NEGR1: variants seen among roughly 807,000 people sequenced by gnomAD.
The protein encoded by NEGR1 is IgLON family member 4.
In NEGR1, 10 loss-of-function variants were observed where a neutral mutation model predicts 40.9. The observed-to-expected ratio is 0.24, with a 90% CI of 0.15 to 0.42. NEGR1 has a LOEUF of 0.42. NEGR1 is among the 10% of genes least tolerant of loss of function. NEGR1 has a pLI of 1.00. For missense variants in NEGR1, 352 were observed against 438.9 expected, an observed-to-expected ratio of 0.80 and a Z score of 1.77; for synonymous variants, 185 against 166.8, an observed-to-expected ratio of 1.11 and a Z score of -0.84.
chr1:71,930,318 C>G (rs116177907), intron 2 of NEGR1, among the ~76,000 whole-genome samples: 266 of 152,222 alleles, frequency 1.7e-3, no homozygotes, highest in Middle Eastern at 0.01. Flanking sequence ...ATAACAGGAT[C>G]AGAGTACTGA....
chr1:71,996,787 G>A (rs754492295), intron 1 of NEGR1, among the ~76,000 whole-genome samples: 2 of 151,986 alleles, frequency 1.3e-5, no homozygotes, highest in African/African-American at 4.8e-5. Context: ...TTTCTTTGTC[G>A]TACACACCTT....
chr1:71,861,997 A>C (rs1659962273), intron 2 of NEGR1, among the ~76,000 whole-genome samples: 1 of 152,140 alleles, frequency 6.6e-6, no homozygotes, highest in Non-Finnish European at 1.5e-5. Context: ...AAATGATTTC[A>C]TTATGTGTGA....
intron 2 of NEGR1, among the ~76,000 whole-genome samples, chr1:71,878,875 C>A: frequency 6.6e-6 from 1 of 152,064 alleles, no homozygotes; most frequent in East Asian, 1.9e-4. Context: ...ATAACTGTTC[C>A]CAGATTGCAG....
At chr1:71,872,607 T>C (rs183991287) in intron 2 of NEGR1, among the ~76,000 whole-genome samples, 5 of 152,270 alleles carry the variant, frequency 3.3e-5, no homozygotes, top group Admixed American at 2.6e-4. Context: ...ATTCACCACG[T>C]TGGACATGCA....
chr1:72,058,063 A>G (rs1411789622), intron 1 of NEGR1, among the ~76,000 whole-genome samples: 1 of 151,422 alleles, frequency 6.6e-6, no homozygotes, highest in East Asian at 2.0e-4. Context: ...TAGTTGGGAA[A>G]CATCTGAAGA....
At chr1:72,146,333 C>T (rs913526671) in intron 1 of NEGR1, among the ~76,000 whole-genome samples, 2 of 152,150 alleles carry the variant, frequency 1.3e-5, no homozygotes, top group Non-Finnish European at 2.9e-5. Context: ...TGTGCTGCTC[C>T]ATTACCCTGA....
intron 1 of NEGR1, among the ~76,000 whole-genome samples, chr1:72,074,865 A>T (rs1647652692): frequency 1.3e-5 from 2 of 152,110 alleles, no homozygotes; most frequent in African/African-American, 4.8e-5. Context: ...TTTTAAATTC[A>T]GTTATGATTT....
chr1:71,534,815 G>T (rs1647463611), intron 6 of NEGR1, among the ~76,000 whole-genome samples: 1 of 151,562 alleles, frequency 6.6e-6, no homozygotes, highest in Non-Finnish European at 1.5e-5. Context: ...GCCTCATGGG[G>T]CTTATTGACT....
intron 1 of NEGR1, among the ~76,000 whole-genome samples, chr1:72,217,574 AAC>A (rs1403836353): frequency 6.6e-6 from 1 of 151,884 alleles, no homozygotes; most frequent in African/African-American, 2.4e-5. Flanking sequence ...AGTGCCAATA[AAC>A]AGTTACCACA....
intron 4 of NEGR1, among the ~76,000 whole-genome samples, chr1:71,624,774 A>G (rs1304010574): frequency 2.0e-5 from 3 of 151,924 alleles, no homozygotes; most frequent in Non-Finnish European, 2.9e-5. Flanking sequence ...CTGACCTCCT[A>G]TATAAAATGG....
rs182086368 is a variant in NEGR1, at chr1:71,922,052, G to A, written c.409+13027C>T. On this transcript the variant is annotated intron_variant, in intron 2 of 6. Transcript: ENST00000357731. ...CAGAGATTTGTAACAAGAAGAAGCC[G>A]CTAATACTTTTGTAAGCAGGTCTCA... is the stretch of plus-strand genomic sequence containing the variant. Among the ~76,000 whole-genome samples the A allele has an allele frequency of 6.3e-4, 96 of 152,214 alleles. 3 individuals are homozygous for A. Among genetic ancestry groups the A allele is most frequent in the African/African-American group, 2.1e-3 (89 of 41,552 alleles).
At chr1:71,638,410 T>G (rs571660727) in intron 4 of NEGR1, among the ~76,000 whole-genome samples, 67 of 152,144 alleles carry the variant, frequency 4.4e-4, no homozygotes, top group Non-Finnish European at 9.0e-4. Flanking sequence ...TTCTTCCTTG[T>G]AGAGTTGTAA....
At chr1:71,822,912 C>G (rs189951768) in intron 2 of NEGR1, among the ~76,000 whole-genome samples, 48 of 152,118 alleles carry the variant, frequency 3.2e-4, no homozygotes, top group African/African-American at 9.9e-4. Context: ...ATTAGAACCG[C>G]CTGCTGAAAG....
At chr1:72,061,089 C>T (rs1647165195) in intron 1 of NEGR1, among the ~76,000 whole-genome samples, 1 of 151,668 alleles carries the variant, frequency 6.6e-6, no homozygotes, top group South Asian at 2.1e-4. Context: ...TATGACATAA[C>T]TACTTCCTCA....
chr1:71,670,816 T>C lies in NEGR1; in HGVS notation c.667+27192A>G, dbSNP rs897613337. Among the ~76,000 whole-genome samples, 4 of 152,228 alleles carry C rather than the reference T, an allele frequency of 2.6e-5. No individual in the cohort carries two copies. The East Asian group carries it at 7.7e-4, about 29-fold the overall frequency. On this transcript the variant is annotated intron_variant, in intron 4 of 6. Coordinates refer to ENST00000357731, the MANE Select transcript of NEGR1 (RefSeq NM_173808.3). ...AGATATGTCTCTCTGATCAAATCAG[T>C]ATTCTCAGGCTCCTGCCCTCAACCT... is the stretch of plus-strand genomic sequence containing the variant.
chr1:72,274,494 G>T (rs1394050868), intron 1 of NEGR1: 1 of 627,410 alleles, frequency 1.6e-6, no homozygotes, highest in Admixed American at 2.5e-5. Context: ...CTGATTAAAA[G>T]ATAAACTGTC....
chr1:71,985,732 C>T (rs189258380), intron 1 of NEGR1, among the ~76,000 whole-genome samples: 1 of 152,210 alleles, frequency 6.6e-6, no homozygotes, highest in East Asian at 1.9e-4. Flanking sequence ...AGTAAAAGTA[C>T]TTTATCTCTT....
intron 2 of NEGR1, among the ~76,000 whole-genome samples, chr1:71,819,757 T>C (rs1024837748): frequency 6.6e-6 from 1 of 151,928 alleles, no homozygotes; most frequent in African/African-American, 2.4e-5. Context: ...AAGGTGAAGT[T>C]GAAATGCTAG....
chr1:72,091,924 T>C (rs1648515244), intron 1 of NEGR1, among the ~76,000 whole-genome samples: 1 of 152,126 alleles, frequency 6.6e-6, no homozygotes, highest in Non-Finnish European at 1.5e-5. Context: ...TGTCTTATTA[T>C]AAGGACACTA....
Sources: allele counts gnomAD v4.1 joint callset (sites outside exome capture counted in the v4.1 genomes callset), GRCh38; gene constraint gnomAD v4.1.1; transcripts MANE v1.5; gene names NCBI Gene and HGNC (gene_info 2026-07-23, HGNC 2026-07-21).